Variants in BMPR1B observed in about 807,000 individuals in gnomAD.
The protein encoded by BMPR1B is bone morphogenetic protein receptor type 1B, also known as bone morphogenetic protein receptor type-1B.
In BMPR1B, 12 loss-of-function variants were observed where a neutral mutation model predicts 59.1. The ratio of observed to expected loss-of-function variants is 0.20; its 90% CI spans 0.13 to 0.33. The LOEUF is 0.33. Ranked by LOEUF, BMPR1B falls within the 10% of genes least tolerant of loss-of-function variation. The pLI, the probability that BMPR1B is intolerant of heterozygous loss-of-function variation, is 1.00. For missense variants in BMPR1B, 550 were observed against 610.9 expected (o/e 0.90, Z 1.05); for synonymous variants, 237 against 207.3 (o/e 1.14, Z -1.23).
intron 2 of BMPR1B, among the ~76,000 whole-genome samples, chr4:94,940,666 A>G (rs1009580438): frequency 1.3e-5 from 2 of 152,184 alleles, no homozygotes; most frequent in East Asian, 1.9e-4. Context: ...TTGCCGTGTC[A>G]CTAGCTATAC....
rs145184044 is a variant in BMPR1B at position 95,132,347 on chromosome 4, A to G, written c.1076+835A>G. On this transcript the variant is annotated intron_variant, in intron 10 of 12. Transcript: ENST00000515059. ...CTCTGTAATACATGGAGAGGAGCAC[A>G]AAGAAAAAGTCATGGAGATTATTAA... is the stretch of plus-strand genomic sequence containing the variant. Among the ~76,000 whole-genome samples, 97 of 152,340 alleles carry G rather than the reference A, an allele frequency of 6.4e-4. 1 individual carries two copies. Among genetic ancestry groups the G allele is most frequent in the African/African-American group, 2.0e-3 (85 of 41,588 alleles).
At chr4:94,920,420 G>A (rs976651739) in intron 2 of BMPR1B, among the ~76,000 whole-genome samples, 2 of 152,018 alleles carry the variant, frequency 1.3e-5, no homozygotes, top group Non-Finnish European at 2.9e-5. Flanking sequence ...AGAAGTCCCC[G>A]GTTTCCATTA....
intron 2 of BMPR1B, among the ~76,000 whole-genome samples, chr4:94,886,596 A>T (rs879651675): frequency 1.3e-5 from 2 of 152,228 alleles, no homozygotes; most frequent in African/African-American, 2.4e-5. Flanking sequence ...GACAGTGGAG[A>T]GTTGGTAGTA....
chr4:94,861,239 G>A (rs1235235571), intron 1 of BMPR1B, among the ~76,000 whole-genome samples: 2 of 152,194 alleles, frequency 1.3e-5, no homozygotes, highest in Non-Finnish European at 2.9e-5. Context: ...GTTTTCTGAT[G>A]TGCAAAATTG....
intron 11 of BMPR1B, among the ~76,000 whole-genome samples, chr4:95,149,693 A>C (rs1734898438): frequency 6.6e-6 from 1 of 152,192 alleles, no homozygotes; most frequent in Non-Finnish European, 1.5e-5. Context: ...AAAAACCTTG[A>C]TGCTGCTGCT....
At chr4:94,962,245 C>A (rs6823028) in intron 2 of BMPR1B, among the ~76,000 whole-genome samples, 6,439 of 151,612 alleles carry the variant, frequency 0.042, 341 homozygotes, top group African/African-American at 0.12. Context: ...TCATGCGATT[C>A]TCTTGCCTCA....
chr4:94,865,670 C>T (rs547400303), intron 1 of BMPR1B, among the ~76,000 whole-genome samples: 10 of 152,256 alleles, frequency 6.6e-5, no homozygotes, highest in East Asian at 3.9e-4. Context: ...GGATTACAGG[C>T]GTGAGCCACT....
intron 10 of BMPR1B, among the ~76,000 whole-genome samples, chr4:95,142,558 T>A (rs1316054351): frequency 6.6e-6 from 1 of 151,908 alleles, no homozygotes; most frequent in Non-Finnish European, 1.5e-5. Context: ...GTCTATTACG[T>A]TTTTTTACCT....
intron 6 of BMPR1B, among the ~76,000 whole-genome samples, chr4:95,121,086 G>A (rs1247392205): frequency 6.6e-6 from 1 of 152,170 alleles, no homozygotes; most frequent in African/African-American, 2.4e-5. Context: ...GGGATTACAG[G>A]CGTGAGCCAC....
chr4:95,053,977 C>T (rs934910762), intron 3 of BMPR1B, among the ~76,000 whole-genome samples: 2 of 152,010 alleles, frequency 1.3e-5, no homozygotes, highest in East Asian at 3.9e-4. Context: ...GAATAATGAT[C>T]ACAGAAAAGG....
intron 3 of BMPR1B, among the ~76,000 whole-genome samples, chr4:95,003,535 G>A (rs1722600374): frequency 6.6e-6 from 1 of 152,092 alleles, no homozygotes; most frequent in Admixed American, 6.6e-5. Flanking sequence ...TGTTACTTAT[G>A]TTAAGCCAGA....
intron 1 of BMPR1B, among the ~76,000 whole-genome samples, chr4:94,829,082 A>G (rs1358048836): frequency 6.6e-6 from 1 of 152,162 alleles, no homozygotes; most frequent in Middle Eastern, 3.4e-3. Flanking sequence ...ATGATTTAGT[A>G]AAAGTAGAGC....
At chr4:95,031,879 T>C (rs1214830770) in intron 3 of BMPR1B, among the ~76,000 whole-genome samples, 1 of 152,084 alleles carries the variant, frequency 6.6e-6, no homozygotes, top group South Asian at 2.1e-4. Context: ...GTGAGAATGG[T>C]CGTGCCACTG....
intron 5 of BMPR1B, among the ~76,000 whole-genome samples, chr4:95,115,323 G>C (rs544163168): frequency 1.2e-4 from 19 of 152,076 alleles, no homozygotes; most frequent in Non-Finnish European, 2.4e-4. Flanking sequence ...CCTTCATTTT[G>C]AAATCAAATA....
At chr4:94,780,626 C>T (rs1195681655) in intron 1 of BMPR1B, among the ~76,000 whole-genome samples, 4 of 149,202 alleles carry the variant, frequency 2.7e-5, no homozygotes, top group African/African-American at 7.4e-5. Flanking sequence ...TAGCAGTATA[C>T]ATCCTAGTAT....
chr4:94,834,492 A>T (rs1724722738), intron 1 of BMPR1B, among the ~76,000 whole-genome samples: 1 of 150,386 alleles, frequency 6.6e-6, no homozygotes, highest in African/African-American at 2.4e-5. Flanking sequence ...AATTTTGAAA[A>T]GCCAAGGAAG....
chr4:94,835,757 AT>A (rs1015317645), intron 1 of BMPR1B, among the ~76,000 whole-genome samples: 1 of 152,008 alleles, frequency 6.6e-6, no homozygotes, highest in East Asian at 1.9e-4. Context: ...ATCTAAATAA[AT>A]TTTTTCTTTT....
At chr4:94,902,239 CACACACACACAGAG>C (rs1560539098) in intron 2 of BMPR1B, among the ~76,000 whole-genome samples, 1 of 97,080 alleles carries the variant, frequency 1.0e-5, no homozygotes, top group Non-Finnish European at 2.1e-5. Context: ...CACACACACA[CACACACACACAGAG>C]AGAGAGAGAG....
intron 1 of BMPR1B, among the ~76,000 whole-genome samples, chr4:94,841,634 G>A (rs1395766729): frequency 2.0e-5 from 3 of 152,072 alleles, no homozygotes; most frequent in Non-Finnish European, 4.4e-5. Flanking sequence ...CACACGGTGC[G>A]CGCACCCACT....
Sources: gnomAD v4.1 joint callset for allele counts (sites outside exome capture counted in the v4.1 genomes callset) on GRCh38, gnomAD v4.1.1 for gene constraint, MANE v1.5 for transcripts, NCBI Gene and HGNC (gene_info 2026-07-23, HGNC 2026-07-21) for gene names.